Variants in PHF14 observed in about 807,000 individuals in gnomAD.
PHF14 encodes PHD finger protein 14.
Under a neutral mutation model 117.9 loss-of-function variants are expected in PHF14, and 55 were observed. The observed-to-expected ratio is 0.47, with a 90% CI of 0.38 to 0.58. The LOEUF (loss-of-function observed/expected upper bound fraction) is 0.58. PHF14 is among the 20% of genes least tolerant of loss of function. The pLI is 0.00. For missense variants in PHF14, 978 were observed against 1,122.2 expected (o/e 0.87, Z 1.84); for synonymous variants, 409 against 368.6 (o/e 1.11, Z -1.26).
At chr7:11,107,288 C>G (rs1787303286) in intron 16 of PHF14, 2 of 972,758 alleles carry the variant, frequency 2.1e-6, no homozygotes, top group Non-Finnish European at 2.4e-6. Flanking sequence ...TTTTTTCCCT[C>G]TTCTTTGTTT....
At chr7:11,079,387 A>T (rs1359828565) in intron 16 of PHF14, among the ~76,000 whole-genome samples, 1 of 152,176 alleles carries the variant, frequency 6.6e-6, no homozygotes, top group Non-Finnish European at 1.5e-5. Context: ...AAAATGCCAT[A>T]ATCTTTCAAA....
intron 5 of PHF14, among the ~76,000 whole-genome samples, chr7:11,018,099 G>A (rs894546792): frequency 1.3e-5 from 2 of 152,006 alleles, no homozygotes; most frequent in African/African-American, 2.4e-5. Flanking sequence ...TCTGAGTTCT[G>A]TATTTTGTTC....
intron 17 of PHF14, among the ~76,000 whole-genome samples, chr7:11,165,615 C>G (rs1399356652): frequency 6.6e-6 from 1 of 152,016 alleles, no homozygotes. Flanking sequence ...CCAGGTATTA[C>G]CTGAGTGATA....
At position 10,990,758 on chromosome 7, in the gene PHF14, T is replaced by C; in HGVS notation, c.956T>C (p.Ile319Thr). The C allele has an allele frequency of 6.3e-7, 1 of 1,575,792 alleles. No homozygotes were observed. The highest frequency in any genetic ancestry group is 2.3e-5 in the East Asian group (1 of 43,670). ...TGGAGCTCTCAAAAAATGGACCATATTCTGATTTGCTGTGTTTGTCTGGGA... is the reference window on the plus strand; with the variant it reads ...TGGAGCTCTCAAAAAATGGACCATACTCTGATTTGCTGTGTTTGTCTGGGA... ...QNWSSQKMDH[I>T]LICCVCLGDN... Residue 319 changes from isoleucine to threonine, a missense_variant, in exon 4 of 18, where the codon ATT becomes ACT. Around this residue, in one of 7 missense-constraint regions of PHF14, gnomAD observed 414 missense variants for 376.4 expected, o/e 1.10. Transcript: ENST00000634607.
In PHF14 at chr7:11,135,441, A is replaced by G. The variant is rs187913160; in HGVS notation, c.2772+23974A>G. Among the ~76,000 whole-genome samples the G allele has an allele frequency of 2.4e-4, 36 of 152,232 alleles. No individual in the cohort carries two copies. The East Asian group carries it at 6.2e-3, about 26-fold the overall frequency. On this transcript the variant is annotated intron_variant, in intron 17 of 17. Transcript: ENST00000634607. ...GATTAATACTTCTGAAGCAGTGGAAATAGCACATCTATTGTGTTTTTCATT... is the reference window on the plus strand; with the variant it reads ...GATTAATACTTCTGAAGCAGTGGAAGTAGCACATCTATTGTGTTTTTCATT...
intron 17 of PHF14, among the ~76,000 whole-genome samples, chr7:11,112,131 T>A (rs537784627): frequency 6.6e-6 from 1 of 152,298 alleles, no homozygotes; most frequent in East Asian, 1.9e-4. Context: ...AGACTCCTAA[T>A]GTTTTGACTG....
intron 2 of PHF14, among the ~76,000 whole-genome samples, chr7:10,980,908 T>C (rs991000860): frequency 6.6e-6 from 1 of 152,194 alleles, no homozygotes; most frequent in African/African-American, 2.4e-5. Flanking sequence ...ATGATATTGC[T>C]CTTGTATCCT....
chr7:10,982,612 A>G lies in PHF14; in HGVS notation c.353A>G (p.Glu118Gly). ...AGACCTAGAAAGAAAAAGGAGAAAG[A>G]GAAGGAAAAAGAAAAGGAAAAGGAG... ...GERPRKKKEK[E>G]KEKEKEKEKE... Residue 118 changes from glutamate (E) to glycine (G), a missense_variant, in exon 3 of 18, where the codon GAG (glutamate) becomes GGG (glycine). By Grantham distance (98) the Glu-to-Gly change is moderately conservative. Around this residue, in one of 7 missense-constraint regions of PHF14, gnomAD observed 414 missense variants for 376.4 expected, o/e 1.10. Transcript: ENST00000634607. 6.6e-7 allele frequency: 1 copy of G among 1,522,036 alleles called. No individual in the cohort carries two copies. Among genetic ancestry groups the G allele is most frequent in the Non-Finnish European group, 8.9e-7 (1 of 1,122,732 alleles). 94.3% of individuals were successfully genotyped at this position (1,522,036 alleles called of 1,614,324 possible).
intron 17 of PHF14, among the ~76,000 whole-genome samples, chr7:11,157,402 T>TAG (rs1788897092): frequency 7.1e-6 from 1 of 140,974 alleles, no homozygotes; most frequent in African/African-American, 2.8e-5. Flanking sequence ...AAAAAAAAAA[T>TAG]AGGTGTTGAT....
At chr7:11,107,767 A>G in intron 16 of PHF14, 1 of 871,662 alleles carries the variant, frequency 1.1e-6, no homozygotes, top group East Asian at 1.2e-4. Context: ...TGGGTCAATG[A>G]CTGCTTCTGA....
chr7:11,075,601 C>A (rs1356497894), intron 16 of PHF14, among the ~76,000 whole-genome samples: 2 of 130,214 alleles, frequency 1.5e-5, no homozygotes, highest in Admixed American at 8.3e-5. Context: ...ATTATTATGC[C>A]ATTCATGAGG....
At chr7:11,049,834 A>G (rs1364424064) in intron 13 of PHF14, among the ~76,000 whole-genome samples, 1 of 152,164 alleles carries the variant, frequency 6.6e-6, no homozygotes, top group Non-Finnish European at 1.5e-5. Flanking sequence ...ATATTCGTTT[A>G]GTTGTGTCTT....
chr7:11,138,041 C>CTTT (rs34783802), intron 17 of PHF14, among the ~76,000 whole-genome samples: 1 of 145,526 alleles, frequency 6.9e-6, no homozygotes, highest in East Asian at 2.0e-4. Context: ...AAAAATACTT[C>CTTT]TTTTTTTTTT....
chr7:11,021,409 G>T (rs1583376956), intron 5 of PHF14, among the ~76,000 whole-genome samples: 1 of 152,004 alleles, frequency 6.6e-6, no homozygotes, highest in South Asian at 2.1e-4. Flanking sequence ...TAGTTGTCTC[G>T]GCCATGATTT....
intron 16 of PHF14, among the ~76,000 whole-genome samples, chr7:11,089,792 C>G (rs145624236): frequency 9.4e-6 from 1 of 106,840 alleles, no homozygotes; most frequent in African/African-American, 3.6e-5. Context: ...TTTTTTGAGA[C>G]GGAGTTTCAC....
chr7:11,031,714 A>G (rs886173696), intron 7 of PHF14, among the ~76,000 whole-genome samples: 3 of 152,072 alleles, frequency 2.0e-5, no homozygotes, highest in African/African-American at 7.2e-5. Flanking sequence ...TGTTCTCACC[A>G]CTGCACTCAG....
At chr7:11,106,030 A>G in intron 16 of PHF14, 1 of 984,788 alleles carries the variant, frequency 1.0e-6, no homozygotes. Flanking sequence ...TTAAAGAACA[A>G]AGCAGACATG....
intron 16 of PHF14, chr7:11,062,904 T>C (rs2128329977): frequency 1.0e-6 from 1 of 983,798 alleles, no homozygotes; most frequent in African/African-American, 1.7e-5. Context: ...TCCATTCTTA[T>C]TTCTTTAAAA....
At chr7:10,999,478 T>G (rs1782781672) in intron 4 of PHF14, among the ~76,000 whole-genome samples, 1 of 152,242 alleles carries the variant, frequency 6.6e-6, no homozygotes, top group African/African-American at 2.4e-5. Context: ...TTGAGTCCAC[T>G]GGGGACTAGT....
Sources: allele counts gnomAD v4.1 joint callset (sites outside exome capture counted in the v4.1 genomes callset), GRCh38; gene constraint gnomAD v4.1.1; regional missense constraint gnomAD v4.1.1; transcripts MANE v1.5; gene names NCBI Gene and HGNC (gene_info 2026-07-23, HGNC 2026-07-21).